Variants in TLE4 observed in about 807,000 individuals in gnomAD.
The protein encoded by TLE4 is transducin-like enhancer protein 4.
A neutral mutation model predicts 92.8 loss-of-function variants in TLE4; 8 were observed. The observed-to-expected ratio is 0.09, with a 90% CI of 0.05 to 0.16. TLE4 has a LOEUF of 0.16. TLE4 is among the 10% of genes least tolerant of loss of function. The pLI, the probability that TLE4 is intolerant of heterozygous loss-of-function variation, is 1.00. For missense variants in TLE4, 675 were observed against 997.6 expected, an observed-to-expected ratio of 0.68 and a Z score of 4.36; for synonymous variants, 371 against 374.1, an observed-to-expected ratio of 0.99 and a Z score of 0.10.
chr9:79,647,791 C>CT (rs1255357660), intron 6 of TLE4, among the ~76,000 whole-genome samples: 2 of 151,704 alleles, frequency 1.3e-5, no homozygotes, highest in South Asian at 2.1e-4. Flanking sequence ...TTTAAAAAGT[C>CT]TTTTTTTGTC....
intron 8 of TLE4, among the ~76,000 whole-genome samples, chr9:79,668,224 G>T (rs772195367): frequency 7.9e-5 from 12 of 152,184 alleles, no homozygotes; most frequent in Non-Finnish European, 1.6e-4. Flanking sequence ...TAATTGTGAA[G>T]GATTCATGCT....
chr9:79,671,565 G>A (rs1020350642), intron 8 of TLE4: 1 of 246,082 alleles, frequency 4.1e-6, no homozygotes, highest in Admixed American at 4.2e-5. Flanking sequence ...AGAGACTCTT[G>A]CTGCTTTTCA....
At chr9:79,724,576 C>T (rs2076149588) in intron 19 of TLE4, among the ~76,000 whole-genome samples, 1 of 151,954 alleles carries the variant, frequency 6.6e-6, no homozygotes, top group African/African-American at 2.4e-5. Flanking sequence ...CGTGGTGGCT[C>T]ATGCCTGTAA....
intron 4 of TLE4, among the ~76,000 whole-genome samples, chr9:79,595,881 C>A (rs1018955182): frequency 2.1e-5 from 3 of 145,142 alleles, no homozygotes; most frequent in African/African-American, 7.7e-5. Context: ...CGGAGTCTTG[C>A]TGTCACCCAG....
intron 5 of TLE4, among the ~76,000 whole-genome samples, chr9:79,619,623 T>TC (rs1373682317): frequency 6.6e-6 from 1 of 152,158 alleles, no homozygotes; most frequent in Non-Finnish European, 1.5e-5. Flanking sequence ...TGCAGTGACA[T>TC]CCCTAAGACC....
At chr9:79,667,816 AAAGGATTAGTCATG>A (rs1203508987) in intron 8 of TLE4, among the ~76,000 whole-genome samples, 1 of 152,134 alleles carries the variant, frequency 6.6e-6, no homozygotes, top group African/African-American at 2.4e-5. Flanking sequence ...GTTAGGCCTA[AAAGGATTAGTCATG>A]AAGATTCGAG....
Position 79,722,528 on chromosome 9 carries a change from T to G in TLE4, c.2064T>G (p.His688Gln). ...GMENSNVEVL[H>Q]VTKPDKYQLH... ...AGAACAGCAATGTGGAAGTTTTGCA[T>G]GTCACCAAGCCAGACAAATACCAAC... Residue 688 changes from histidine (H) to glutamine (Q), a missense_variant, in exon 18 of 20, where the codon CAT becomes CAG. This residue lies in a region of TLE4 where 170 missense variants were observed against 359.6 expected (regional missense o/e 0.47). Coordinates refer to ENST00000376552, the MANE Select transcript of TLE4 (RefSeq NM_007005.6). 6.2e-7 allele frequency: 1 copy of G among 1,614,240 alleles called. No homozygotes were observed. The highest frequency in any genetic ancestry group is 8.5e-7 in the Non-Finnish European group (1 of 1,180,044).
chr9:79,682,530 C>T (rs2064939919), intron 8 of TLE4, among the ~76,000 whole-genome samples: 1 of 152,096 alleles, frequency 6.6e-6, no homozygotes, highest in Non-Finnish European at 1.5e-5. Context: ...TTCCTGCATT[C>T]CTGTGAGGGG....
intron 8 of TLE4, among the ~76,000 whole-genome samples, chr9:79,662,959 C>T (rs1325121358): frequency 1.3e-5 from 2 of 152,034 alleles, no homozygotes; most frequent in African/African-American, 2.4e-5. Context: ...TGTTCTCCCC[C>T]TCACCCACCC....
rs563997916 is a variant in TLE4, at chr9:79,624,940, T to A, written c.316-2434T>A. 1.2e-4 allele frequency among the ~76,000 whole-genome samples: 19 copies of A among 152,216 alleles called. No individual in the cohort carries two copies. In the East Asian group the frequency reaches 3.7e-3, roughly 29 times the overall value. Reference sequence around the variant, plus strand: ...GCGTGAGTAGAATGAATGATACCTGTGTTGGATGTGACTTAAGTGTGGTCC... The same window carrying A: ...GCGTGAGTAGAATGAATGATACCTGAGTTGGATGTGACTTAAGTGTGGTCC... On this transcript the variant is annotated intron_variant, in intron 5 of 19. Transcript: ENST00000376552.
At chr9:79,707,901 A>G (rs1459052388) in intron 11 of TLE4, among the ~76,000 whole-genome samples, 1 of 152,104 alleles carries the variant, frequency 6.6e-6, no homozygotes, top group Non-Finnish European at 1.5e-5. Context: ...TCTCCTCTAA[A>G]TTCAGCTTCA....
chr9:79,590,068 G>A lies in TLE4; in HGVS notation c.252+13891G>A, dbSNP rs543553242. Among the ~76,000 whole-genome samples, 4 of 152,266 alleles carry A rather than the reference G, an allele frequency of 2.6e-5. No individual in the cohort carries two copies. The East Asian group carries it at 5.8e-4, about 22-fold the overall frequency. ...CCCCCAACAAATTTCACTATGCTGC[G>A]CTATGAATGTGGGTGGCTGTTTTAA... On this transcript the variant is annotated intron_variant, in intron 4 of 19. Coordinates refer to ENST00000376552, the MANE Select transcript of TLE4 (RefSeq NM_007005.6).
chr9:79,676,199 C>T (rs1359163261), intron 8 of TLE4, among the ~76,000 whole-genome samples: 1 of 152,090 alleles, frequency 6.6e-6, no homozygotes, highest in African/African-American at 2.4e-5. Flanking sequence ...GTCACTGTGC[C>T]TCCCCAAGGC....
In TLE4 at chr9:79,652,616, A is replaced by G. The variant is rs753265734; in HGVS notation, c.414A>G (p.Leu138=). ...AGCAACAACTCCAGGCCCAGCATTT[A>G]TCACATGGACATGGTCTCCCCGTAC... ...IIGQQLQAQH[L]SHGHGLPVPL... The change falls in exon 7 of 20, where the codon TTA becomes TTG. Residue 138 remains leucine, a synonymous_variant. Transcript: ENST00000376552. The G allele has an allele frequency of 4.3e-6, 7 of 1,613,966 alleles. No individual in the cohort carries two copies. Among genetic ancestry groups the G allele is most frequent in the Non-Finnish European group, 5.9e-6 (7 of 1,180,008 alleles).
chr9:79,682,753 G>A (rs1240050671), intron 8 of TLE4, among the ~76,000 whole-genome samples: 2 of 152,184 alleles, frequency 1.3e-5, no homozygotes, highest in East Asian at 1.9e-4. Flanking sequence ...AAATGCTCAA[G>A]CATCTCAGGG....
At chr9:79,619,250 A>G (rs1014518509) in intron 5 of TLE4, among the ~76,000 whole-genome samples, 19 of 152,240 alleles carry the variant, frequency 1.2e-4, no homozygotes, top group Admixed American at 1.2e-3. Context: ...AATTTGGTCC[A>G]TGTAATTTGA....
At chr9:79,650,668 T>C (rs2058799234) in intron 6 of TLE4, among the ~76,000 whole-genome samples, 2 of 152,166 alleles carry the variant, frequency 1.3e-5, no homozygotes, top group Admixed American at 1.3e-4. Context: ...GAGAATCACC[T>C]TATCTCAAAA....
chr9:79,671,244 A>C, intron 8 of TLE4: 1 of 456,476 alleles, frequency 2.2e-6, no homozygotes, highest in South Asian at 1.5e-5. Context: ...ATGAAATTGG[A>C]GACCAAAGAG....
intron 6 of TLE4, among the ~76,000 whole-genome samples, chr9:79,632,955 C>T (rs1427545536): frequency 6.6e-6 from 1 of 152,170 alleles, no homozygotes; most frequent in Non-Finnish European, 1.5e-5. Context: ...TACTCACCTG[C>T]ATTCATCAAA....
Sources: gnomAD v4.1 joint callset for allele counts (sites outside exome capture counted in the v4.1 genomes callset) on GRCh38, gnomAD v4.1.1 for gene constraint, gnomAD v4.1.1 regional missense constraint, MANE v1.5 for transcripts, NCBI Gene and HGNC (gene_info 2026-07-23, HGNC 2026-07-21) for gene names.